Variants in LRTM1 observed in about 807,000 individuals in gnomAD.
The protein encoded by LRTM1 is leucine rich repeat transmembrane protein 1, also known as leucine-rich repeat and transmembrane domain-containing protein 1.
LRTM1 carries 38 observed loss-of-function variants against 32.4 expected under a neutral mutation model. The observed-to-expected ratio is 1.17, with a 90% CI of 0.91 to 1.54. The LOEUF (loss-of-function observed/expected upper bound fraction) is 1.54, where lower values mean the gene tolerates loss of function less well. Ranked by LOEUF, LRTM1 falls within the 40% of genes most tolerant of loss-of-function variation. The pLI is 0.00. For missense variants in LRTM1, 466 were observed against 415.4 expected, an observed-to-expected ratio of 1.12 and a Z score of -1.06; for synonymous variants, 186 against 169.9, an observed-to-expected ratio of 1.09 and a Z score of -0.74.
intron 1 of LRTM1, among the ~76,000 whole-genome samples, chr3:54,963,040 T>G (rs924608144): frequency 1.3e-5 from 2 of 152,262 alleles, no homozygotes; most frequent in African/African-American, 4.8e-5. Context: ...GATGCATGCA[T>G]GATTTCATCT....
In LRTM1 at chr3:54,918,747, G is replaced by A; in HGVS notation, c.750C>T (p.Ala250=). 2 of 1,614,154 alleles carry A rather than the reference G, an allele frequency of 1.2e-6. No homozygotes were observed. The highest frequency in any genetic ancestry group is 2.2e-5 in the South Asian group (2 of 91,078). ...VSSQAQWPGS[A]HGVVLRPPEN... is the part of the protein sequence containing the mutation. ...CAGGAGGCCTCAGGACCACACCGTG[G>A]GCAGAGCCGGGCCACTGAGCCTGCG... The change falls in exon 3 of 3, where the codon GCC becomes GCT. Residue 250 remains alanine, a synonymous_variant. Coordinates refer to ENST00000273286, the MANE Select transcript of LRTM1 (RefSeq NM_020678.4).
In LRTM1 at chr3:54,924,846, TC is replaced by T. The variant is rs1042439683; in HGVS notation, c.376del (p.Glu126SerfsTer9). Reference protein sequence around the residue: ...RLFHSLPQLRELDLSSNNISH... With the variant: ...RLFHSLPQLRXLDLSSNNISH... ...TATGTTGTTTGATGACAAATCAAGC[TC>T]CCTCAGCTGAGGGAGGGAATGGAAA... On this transcript the variant is annotated frameshift_variant, in exon 2 of 3. Transcript: ENST00000273286. LOFTEE classifies it high-confidence loss of function. 6.2e-7 allele frequency: 1 copy of T among 1,613,764 alleles called. No individual in the cohort carries two copies. Among genetic ancestry groups the T allele is most frequent in the Non-Finnish European group, 8.5e-7 (1 of 1,179,842 alleles).
At chr3:54,924,092 G>T (rs958108357) in intron 2 of LRTM1, among the ~76,000 whole-genome samples, 38 of 152,304 alleles carry the variant, frequency 2.5e-4, no homozygotes, top group Admixed American at 2.5e-3. Flanking sequence ...TCATGTTAAA[G>T]AAATTGTGAG....
At chr3:54,930,182 A>G (rs555608531), upstream of LRTM1, among the ~76,000 whole-genome samples, 18 of 152,296 alleles carry the variant, frequency 1.2e-4, no homozygotes, top group African/African-American at 4.3e-4. Context: ...GTGATCTGCA[A>G]ACTCTGGTTA....
At chr3:54,925,284 T>A in intron 1 of LRTM1, 69 bp from the exon 2 acceptor site, 2 of 1,317,396 alleles carry the variant, frequency 1.5e-6, no homozygotes, top group Non-Finnish European at 2.1e-6. Context: ...CTTTTCCGCC[T>A]TTGAATTTAC....
rs371845849 is a variant in LRTM1, at chr3:54,954,075, G to T, written c.-222+12853C>A. ...TAGGCAAGAACTTTCCATGAATTCA[G>T]TGTCTCTCTGCCTATTCCCAGGGTT... On this transcript the variant is annotated intron_variant, in intron 1 of 2. Transcript: ENST00000493075. 3.9e-5 allele frequency among the ~76,000 whole-genome samples: 6 copies of T among 152,320 alleles called. No individual in the cohort carries two copies. The South Asian group carries it at 6.2e-4, about 16-fold the overall frequency.
intron 1 of LRTM1, among the ~76,000 whole-genome samples, chr3:54,966,538 A>G (rs922300295): frequency 1.3e-5 from 2 of 152,106 alleles, no homozygotes; most frequent in South Asian, 4.1e-4. Context: ...AACATACCCA[A>G]GCCAGCCACA....
intron 1 of LRTM1, among the ~76,000 whole-genome samples, chr3:54,960,776 A>G (rs1175746519): frequency 1.3e-5 from 2 of 152,214 alleles, no homozygotes; most frequent in African/African-American, 4.8e-5. Context: ...TTTTTTGTCC[A>G]ACATTCCATC....
intron 1 of LRTM1, among the ~76,000 whole-genome samples, chr3:54,941,129 CA>C (rs1314884356): frequency 6.6e-6 from 1 of 152,106 alleles, no homozygotes; most frequent in Non-Finnish European, 1.5e-5. Flanking sequence ...CCTGGTAATG[CA>C]ATTAGGAAAT....
chr3:54,918,808 T>C lies in LRTM1; in HGVS notation c.689A>G (p.Gln230Arg). ...DLLRIPHELY[Q>R]PCPLPAPDPV... ...ATCAGGAGCAGGAAGAGGGCAGGGC[T>C]GGTACAGCTCATGAGGGATCCTAAG... Residue 230 changes from glutamine to arginine, a missense_variant, in exon 3 of 3, where the codon CAG (glutamine) becomes CGG (arginine). Coordinates refer to ENST00000273286, the MANE Select transcript of LRTM1 (RefSeq NM_020678.4). The C allele has an allele frequency of 6.2e-7, 1 of 1,613,580 alleles. No individual in the cohort carries two copies. The highest frequency in any genetic ancestry group is 1.1e-5 in the South Asian group (1 of 90,976).
chr3:54,948,752 T>C (rs960696616), intron 1 of LRTM1, among the ~76,000 whole-genome samples: 1 of 152,258 alleles, frequency 6.6e-6, no homozygotes, highest in Admixed American at 6.5e-5. Flanking sequence ...GAGGTGCTTA[T>C]GTGACAGATC....
rs768755844 is a variant in LRTM1, at chr3:54,925,154, G to T, written c.69C>A (p.Asp23Glu). Residue 23 changes from aspartate to glutamate, a missense_variant, in exon 2 of 3, where the codon GAC (aspartate) becomes GAA (glutamate). Physicochemically the swap from Asp to Glu is conservative, Grantham distance 45. Coordinates refer to ENST00000273286, the MANE Select transcript of LRTM1 (RefSeq NM_020678.4). ...VLLQVVCSCP[D>E]KCYCQSSTNF... is the part of the protein sequence containing the mutation. The stretch of plus-strand genomic sequence containing the variant: ...TTGTAGATGACTGACAGTAACACTT[G>T]TCCGGGCAGCTGCATACCACCTGGA... 1 of 1,614,120 alleles carries T rather than the reference G, an allele frequency of 6.2e-7. No individual in the cohort carries two copies. Among genetic ancestry groups the T allele is most frequent in the Non-Finnish European group, 8.5e-7 (1 of 1,180,016 alleles).
At chr3:54,927,094 A>G (rs111295178) in intron 1 of LRTM1, among the ~76,000 whole-genome samples, 11 of 152,306 alleles carry the variant, frequency 7.2e-5, no homozygotes, top group African/African-American at 2.4e-4. Flanking sequence ...CTCAAAGTGG[A>G]AGCTCTTGAA....
intron 1 of LRTM1, among the ~76,000 whole-genome samples, chr3:54,945,216 A>T (rs541287647): frequency 6.6e-6 from 1 of 152,136 alleles, no homozygotes; most frequent in Non-Finnish European, 1.5e-5. Context: ...TTTCAGGAAT[A>T]TATAAGTTGG....
chr3:54,942,120 T>A (rs1423011492), intron 1 of LRTM1, among the ~76,000 whole-genome samples: 2 of 152,260 alleles, frequency 1.3e-5, no homozygotes, highest in Non-Finnish European at 2.9e-5. Context: ...GGCAATCCTT[T>A]GTTACCTTAG....
At chr3:54,923,023 A>G (rs1010550277) in intron 2 of LRTM1, among the ~76,000 whole-genome samples, 1 of 152,138 alleles carries the variant, frequency 6.6e-6, no homozygotes, top group African/African-American at 2.4e-5. Flanking sequence ...GGTTTGGGCC[A>G]CCATCATCTT....
At chr3:54,939,739 G>A (rs575044332) in intron 1 of LRTM1, among the ~76,000 whole-genome samples, 1 of 152,232 alleles carries the variant, frequency 6.6e-6, no homozygotes, top group Non-Finnish European at 1.5e-5. Context: ...TCATTGCTGG[G>A]CAGGAAGGAG....
chr3:54,929,863 A>G (rs765633965), upstream of LRTM1, among the ~76,000 whole-genome samples: 4 of 152,306 alleles, frequency 2.6e-5, no homozygotes, highest in South Asian at 4.1e-4. Context: ...TTAGCATTCA[A>G]TCATTAATTT....
In LRTM1 at chr3:54,956,500, C is replaced by T. The variant is rs554629543; in HGVS notation, c.-222+10428G>A. 3.0e-3 allele frequency among the ~76,000 whole-genome samples: 463 copies of T among 152,284 alleles called. 3 individuals carry two copies. Among genetic ancestry groups the T allele is most frequent in the African/African-American group, 0.01 (434 of 41,556 alleles). On this transcript the variant is annotated intron_variant, in intron 1 of 2. Coordinates refer to the LRTM1 transcript ENST00000493075. ...ACTTGCATGGGCCACATGGTCTTAA[C>T]GTTCTCAGTCTTTTCAAACTCGTTA...
Sources: allele counts gnomAD v4.1 joint callset (sites outside exome capture counted in the v4.1 genomes callset), GRCh38; gene constraint gnomAD v4.1.1; transcripts MANE v1.5; gene names NCBI Gene and HGNC (gene_info 2026-07-23, HGNC 2026-07-21).